The following ASXL3 variants were observed in gnomAD, a reference collection of about 807,000 sequenced individuals.
ASXL3 encodes ASXL transcriptional regulator 3, also known as putative Polycomb group protein ASXL3.
Under a neutral mutation model 170.6 loss-of-function variants are expected in ASXL3, and 34 were observed. That is an observed-to-expected ratio of 0.20 (90% CI 0.15 to 0.27). The LOEUF is 0.27. ASXL3 is among the 10% of genes least tolerant of loss of function. The probability of loss-of-function intolerance (pLI) is 1.00; values close to 1 mark genes in which losing one functional copy is unlikely to be tolerated. For missense variants in ASXL3, 2,592 were observed against 2,695.3 expected (o/e 0.96, Z 0.85); for synonymous variants, 1,002 against 989.1 (o/e 1.01, Z -0.24).
chr18:33,656,440 G>A (rs955806420), intron 4 of ASXL3, among the ~76,000 whole-genome samples: 3 of 152,024 alleles, frequency 2.0e-5, no homozygotes, highest in African/African-American at 7.2e-5. Context: ...TACTTATTGG[G>A]TGGCTCAGTG....
Position 33,746,073 on chromosome 18 carries a change from A to G in ASXL3, c.6225A>G (p.Ile2075Met). Residue 2075 changes from isoleucine (I) to methionine (M), a missense_variant, in exon 12 of 12, where the codon ATA (isoleucine) becomes ATG (methionine). Physicochemically the swap from Ile to Met is conservative, Grantham distance 10 (BLOSUM62 1). Coordinates refer to ENST00000269197, the MANE Select transcript of ASXL3 (RefSeq NM_030632.3). The part of the protein sequence containing the change: ...KRLSWPQSTG[I>M]CSNIKSEPLS... ...TTAGTTGGCCACAGTCCACGGGCAT[A>G]TGTAGCAATATAAAATCGGAACCTC... The G allele has an allele frequency of 6.2e-7, 1 of 1,613,414 alleles. No individual in the cohort carries two copies. Among genetic ancestry groups the G allele is most frequent in the Non-Finnish European group, 8.5e-7 (1 of 1,179,848 alleles).
intron 3 of ASXL3, 60 bp from the exon 4 acceptor site, chr18:33,646,185 G>A: frequency 7.7e-7 from 1 of 1,293,118 alleles, no homozygotes; most frequent in Non-Finnish European, 1.1e-6. Flanking sequence ...CAAGTATTTT[G>A]AATGTTTTTA....
intron 8 of ASXL3, among the ~76,000 whole-genome samples, chr18:33,712,183 G>A (rs2067077344): frequency 2.0e-5 from 3 of 151,974 alleles, no homozygotes; most frequent in Non-Finnish European, 4.4e-5. Context: ...GTATGATTTT[G>A]GCTGTTTGTT....
chr18:33,627,867 A>G (rs753140816), intron 2 of ASXL3, among the ~76,000 whole-genome samples: 9 of 152,120 alleles, frequency 5.9e-5, no homozygotes, highest in Non-Finnish European at 8.8e-5. Flanking sequence ...ATTTATTTAT[A>G]TAATATGATT....
In ASXL3 at chr18:33,741,174, G is replaced by A. The variant is rs1247364817; in HGVS notation, c.3039+731G>A. ...AAACTTACTATGCATTTTAATTTCC[G>A]AAGCAATAGAAATAATAATATAAAC... On this transcript the variant is annotated intron_variant, in intron 11 of 11. Coordinates refer to ENST00000269197, the MANE Select transcript of ASXL3 (RefSeq NM_030632.3). Among the ~76,000 whole-genome samples, 7 of 152,152 alleles carry A rather than the reference G, an allele frequency of 4.6e-5. No homozygotes were observed. In the South Asian group the frequency reaches 1.0e-3, roughly 23 times the overall value.
intron 11 of ASXL3, 26 bp from the exon 12 acceptor site, chr18:33,742,862 T>A: frequency 6.4e-7 from 1 of 1,565,946 alleles, no homozygotes; most frequent in Non-Finnish European, 8.6e-7. Flanking sequence ...AAGCACATTA[T>A]ATTTTTTTTT....
At chr18:33,676,664 A>G (rs779551269) in intron 7 of ASXL3, among the ~76,000 whole-genome samples, 18 of 152,242 alleles carry the variant, frequency 1.2e-4, no homozygotes, top group Non-Finnish European at 2.4e-4. Context: ...TTAGACTACC[A>G]AATAACCAGG....
chr18:33,721,273 G>T (rs148144041), intron 8 of ASXL3, among the ~76,000 whole-genome samples: 1 of 151,924 alleles, frequency 6.6e-6, no homozygotes. Context: ...GATAGTTCTC[G>T]TTCTCTTGAT....
At chr18:33,702,847 G>A (rs745976232) in intron 8 of ASXL3, among the ~76,000 whole-genome samples, 18 of 152,076 alleles carry the variant, frequency 1.2e-4, no homozygotes, top group Non-Finnish European at 2.4e-4. Flanking sequence ...ATAAGCAATG[G>A]GGATAAAATT....
chr18:33,676,477 G>A (rs2066432646), intron 7 of ASXL3, among the ~76,000 whole-genome samples: 1 of 152,016 alleles, frequency 6.6e-6, no homozygotes. Flanking sequence ...CTTCTAAAAT[G>A]GTATGTATTT....
chr18:33,592,976 ACT>A (rs2065090775), intron 1 of ASXL3, among the ~76,000 whole-genome samples: 1 of 152,202 alleles, frequency 6.6e-6, no homozygotes, highest in African/African-American at 2.4e-5. Flanking sequence ...TTACAAAATA[ACT>A]GCCTTTTCTC....
rs1472906822 is a variant in ASXL3, at chr18:33,743,275, G to C, written c.3427G>C (p.Glu1143Gln). The change falls in exon 12 of 12, where the codon GAA (glutamate) becomes CAA (glutamine). Residue 1143 changes from glutamate to glutamine, a missense_variant. Glu to Gln is a conservative substitution (Grantham distance 29). Around this residue, in one of 4 missense-constraint regions of ASXL3, gnomAD observed 2,246 missense variants for 2,219.6 expected, o/e 1.01. Coordinates refer to ENST00000269197, the MANE Select transcript of ASXL3 (RefSeq NM_030632.3). ...LSSKEGPPNL[E>Q]VSSTPETKME... ...CTCAAAGGAAGGGCCTCCAAACTTAGAAGTCTCTTCTACCCCTGAAACAAA... is the reference window on the plus strand; with the variant it reads ...CTCAAAGGAAGGGCCTCCAAACTTACAAGTCTCTTCTACCCCTGAAACAAA... The C allele has an allele frequency of 1.9e-6, 3 of 1,613,766 alleles. No individual in the cohort carries two copies. Among genetic ancestry groups the C allele is most frequent in the Non-Finnish European group, 2.5e-6 (3 of 1,179,830 alleles).
intron 5 of ASXL3, among the ~76,000 whole-genome samples, chr18:33,667,948 T>C (rs2066284713): frequency 6.6e-6 from 1 of 152,140 alleles, no homozygotes; most frequent in African/African-American, 2.4e-5. Context: ...AAAAATGATA[T>C]TTGTTGAGTA....
chr18:33,691,036 G>A (rs2066679569), intron 8 of ASXL3, among the ~76,000 whole-genome samples: 1 of 152,068 alleles, frequency 6.6e-6, no homozygotes, highest in South Asian at 2.1e-4. Context: ...TTCTCTACAC[G>A]CTTACAATGC....
intron 8 of ASXL3, among the ~76,000 whole-genome samples, chr18:33,719,110 A>C (rs1031269451): frequency 1.3e-5 from 2 of 152,096 alleles, no homozygotes; most frequent in South Asian, 2.1e-4. Context: ...AAGAATATCC[A>C]TCCAAAAAAT....
At chr18:33,729,744 C>T (rs1382249915) in intron 8 of ASXL3, among the ~76,000 whole-genome samples, 1 of 152,114 alleles carries the variant, frequency 6.6e-6, no homozygotes, top group African/African-American at 2.4e-5. Flanking sequence ...CTTCATTACT[C>T]ATTTCTGATT....
In ASXL3 at chr18:33,739,012, G is replaced by A. The variant is rs757878086; in HGVS notation, c.1608G>A (p.Gln536=). The part of the protein sequence containing the change: ...PQEEMTVVID[Q]LEVCDSLIPS... Reference sequence around the variant, plus strand: ...AAGAAATGACAGTTGTTATCGATCAGTTAGAAGTCTGTGACTCTCTTATTC... The same window carrying A: ...AAGAAATGACAGTTGTTATCGATCAATTAGAAGTCTGTGACTCTCTTATTC... The change falls in exon 11 of 12, where the codon CAG becomes CAA. Residue 536 remains glutamine, a synonymous_variant. Coordinates refer to ENST00000269197, the MANE Select transcript of ASXL3 (RefSeq NM_030632.3). The A allele has an allele frequency of 6.2e-7, 1 of 1,613,680 alleles. No individual in the cohort carries two copies. Among genetic ancestry groups the A allele is most frequent in the Admixed American group, 1.7e-5 (1 of 59,942 alleles).
chr18:33,633,760 A>G (rs979893756), intron 2 of ASXL3, among the ~76,000 whole-genome samples: 6 of 150,340 alleles, frequency 4.0e-5, no homozygotes, highest in African/African-American at 1.5e-4. Context: ...CAGGGGAATC[A>G]CTTGAACCCG....
At chr18:33,734,504 AACTT>A (rs2067512157) in intron 10 of ASXL3, 89 bp downstream of exon 10, 1 of 716,520 alleles carries the variant, frequency 1.4e-6, no homozygotes, top group African/African-American at 1.8e-5. Context: ...TATGCTGTAA[AACTT>A]AATAAACCTG....
Sources: gnomAD v4.1 joint callset for allele counts (sites outside exome capture counted in the v4.1 genomes callset) on GRCh38, gnomAD v4.1.1 for gene constraint, gnomAD v4.1.1 regional missense constraint, MANE v1.5 for transcripts, NCBI Gene and HGNC (gene_info 2026-07-23, HGNC 2026-07-21) for gene names.